Variants in CDK10 observed in about 807,000 individuals in gnomAD.
CDK10 encodes cyclin-dependent kinase 10.
Under a neutral mutation model 51.0 loss-of-function variants are expected in CDK10, and 55 were observed. That is an observed-to-expected ratio of 1.08 (90% CI 0.87 to 1.35). CDK10 has a LOEUF of 1.35. Among genes scored for constraint, CDK10 ranks in the 40% most tolerant of loss-of-function variants. The probability of loss-of-function intolerance (pLI) is 0.00; values close to 1 mark genes in which losing one functional copy is unlikely to be tolerated. For synonymous variants in CDK10, 255 were observed against 199.1 expected, an observed-to-expected ratio of 1.28 and a Z score of -2.36; for missense variants, 589 against 485.1, an observed-to-expected ratio of 1.21 and a Z score of -2.01.
At chr16:89,693,885 A>C (rs1597866548) in intron 8 of CDK10, 1 of 563,690 alleles carries the variant, frequency 1.8e-6, no homozygotes, top group South Asian at 2.0e-5. Context: ...TCAGGACCCC[A>C]GTGTCGTGTA....
Position 89,686,815 on chromosome 16 carries a change from CG to C in CDK10, c.87+21del, listed in dbSNP as rs1476750668. Reference sequence around the variant, plus strand: ...AACACAGGGTGCGCGGGGTGCCACCCGGGCAGCTCTGCCCGCCTCGCTAGCG... The same window carrying C: ...AACACAGGGTGCGCGGGGTGCCACCCGGCAGCTCTGCCCGCCTCGCTAGCG... On this transcript the variant is annotated intron_variant, in intron 1 of 12. Coordinates refer to ENST00000353379, the MANE Select transcript of CDK10 (RefSeq NM_052988.5). 1 of 1,596,978 alleles carries C rather than the reference CG, an allele frequency of 6.3e-7. No homozygotes were observed. Among genetic ancestry groups the C allele is most frequent in the Non-Finnish European group, 8.5e-7 (1 of 1,170,128 alleles).
intron 4 of CDK10, 45 bp downstream of exon 4, chr16:89,691,590 G>T: frequency 6.6e-7 from 1 of 1,511,664 alleles, no homozygotes. Context: ...GGGAGCATGT[G>T]TCTTGGGCTA....
intron 1 of CDK10, among the ~76,000 whole-genome samples, chr16:89,688,918 T>C (rs562414258): frequency 6.6e-6 from 1 of 152,240 alleles, no homozygotes; most frequent in African/African-American, 2.4e-5. Context: ...CTGGCCAACA[T>C]GGTGAAACCC....
intron 10 of CDK10, 58 bp downstream of exon 10, chr16:89,694,846 AGCCCCCGCCCGTGCCCACG>A: frequency 2.7e-6 from 4 of 1,490,436 alleles, no homozygotes; most frequent in Non-Finnish European, 2.7e-6. Context: ...CTGCGCCCGC[AGCCCCCGCCCGTGCCCACG>A]CCCTCTGCGC....
At chr16:89,687,337 G>T (rs2060238712) in intron 1 of CDK10, 1 of 398,824 alleles carries the variant, frequency 2.5e-6, no homozygotes, top group Non-Finnish European at 5.2e-6. Flanking sequence ...TTGCCCAGGT[G>T]CACGGCTGGT....
intron 8 of CDK10, chr16:89,693,752 G>T: frequency 1.8e-6 from 1 of 561,054 alleles, no homozygotes; most frequent in Non-Finnish European, 3.2e-6. Context: ...TGGAGGGAAG[G>T]CTGCTTCACG....
At position 89,695,168 on chromosome 16, in the gene CDK10, C is replaced by G. The variant is rs2060655916; in HGVS notation, c.932+98C>G. On this transcript the variant is annotated intron_variant, in intron 11 of 12. Transcript: ENST00000353379. Reference sequence around the variant, plus strand: ...TCACTGCGGTGGAGAGGCCCCTCCCCAGGCACAGCCGCTCGGAGTGGCCAC... The same window carrying G: ...TCACTGCGGTGGAGAGGCCCCTCCCGAGGCACAGCCGCTCGGAGTGGCCAC... 2.6e-6 allele frequency: 4 copies of G among 1,541,572 alleles called. No homozygotes were observed. The African/African-American group carries it at 4.1e-5, about 16-fold the overall frequency.
At chr16:89,694,051 G>C (rs2060578707) in intron 8 of CDK10, 122 bp from the exon 9 acceptor site, 5 of 916,050 alleles carry the variant, frequency 5.5e-6, no homozygotes, top group Non-Finnish European at 8.9e-6. Context: ...CTGGGGCAGA[G>C]GGTGGTCCGA....
chr16:89,692,460 C>G lies in CDK10; in HGVS notation c.429C>G (p.Ile143Met). ...TPFSEAQVKC[I>M]VLQVLRGLQY... ...GACCCTCTGCACAGGTCAAGTGCAT[C>G]GTGCTGCAGGTGCTCCGGGGCCTCC... is the stretch of plus-strand genomic sequence containing the variant. The change falls in exon 6 of 13, where the codon ATC becomes ATG. Residue 143 changes from isoleucine (I) to methionine (M), a missense_variant. Ile to Met is a conservative substitution (Grantham distance 10). Coordinates refer to ENST00000353379, the MANE Select transcript of CDK10 (RefSeq NM_052988.5). 3 of 1,592,150 alleles carry G rather than the reference C, an allele frequency of 1.9e-6. No homozygotes were observed. The highest frequency in any genetic ancestry group is 2.6e-6 in the Non-Finnish European group (3 of 1,169,206).
rs533674867 is a variant in CDK10 at position 89,686,721 on chromosome 16, C to G, written c.11C>G (p.Pro4Arg). The change falls in exon 1 of 13, where the codon CCA (proline) becomes CGA (arginine). Residue 4 changes from proline (P) to arginine (R), a missense_variant. By Grantham distance (103) the Pro-to-Arg change is moderately radical. Coordinates refer to ENST00000353379, the MANE Select transcript of CDK10 (RefSeq NM_052988.5). ...GGGCCAGCGCTCGGCATGGCGGAGCCAGATCTGGAGTGCGAGCAGATCCGT... is the reference window on the plus strand; with the variant it reads ...GGGCCAGCGCTCGGCATGGCGGAGCGAGATCTGGAGTGCGAGCAGATCCGT... MAEPDLECEQIRLK... is the reference protein window; with the variant it reads MAERDLECEQIRLK... 28 of 1,605,390 alleles carry G rather than the reference C, an allele frequency of 1.7e-5. 1 individual carries two copies. The South Asian group carries it at 3.0e-4, about 17-fold the overall frequency.
chr16:89,694,597 T>C, intron 9 of CDK10, 68 bp from the exon 10 acceptor site: 2 of 1,546,676 alleles, frequency 1.3e-6, no homozygotes, highest in South Asian at 1.2e-5. Context: ...TGCAGTCAGG[T>C]CCTCTGTTCC....
chr16:89,695,129 C>T (rs552795799), intron 11 of CDK10, 59 bp downstream of exon 11: 4 of 1,570,428 alleles, frequency 2.5e-6, no homozygotes, highest in Admixed American at 1.7e-5. Flanking sequence ...CAGACCGTTT[C>T]CCAGAGCCCA....
chr16:89,694,225 G>C lies in CDK10; in HGVS notation c.661G>C (p.Asp221His). The C allele has an allele frequency of 1.2e-6, 2 of 1,613,808 alleles. No individual in the cohort carries two copies. The highest frequency in any genetic ancestry group is 1.7e-6 in the Non-Finnish European group (2 of 1,179,818). ...LGTTTQTTSI[D>H]MWAVGCILAE... ...AACCACCACGCAGACCACCAGCATC[G>C]ACATGTGGTGAGGAGATACGGTTAC... The change falls in exon 9 of 13, where the codon GAC becomes CAC. Residue 221 changes from aspartate to histidine, a missense_variant. Transcript: ENST00000353379.
At chr16:89,691,921 G>C in intron 5 of CDK10, 34 bp downstream of exon 5, 6 of 1,558,934 alleles carry the variant, frequency 3.8e-6, no homozygotes, top group Non-Finnish European at 5.3e-6. Flanking sequence ...TGGGGGAATG[G>C]GCTTCATGGG....
chr16:89,694,094 T>G, intron 8 of CDK10, 79 bp from the exon 9 acceptor site: 1 of 1,435,120 alleles, frequency 7.0e-7, no homozygotes, highest in Middle Eastern at 2.0e-4. Context: ...CCACAGGCTC[T>G]CGGGGAGGCT....
At chr16:89,689,365 C>G in intron 2 of CDK10, 41 bp downstream of exon 2, 1 of 1,571,012 alleles carries the variant, frequency 6.4e-7, no homozygotes, top group Non-Finnish European at 8.8e-7. Context: ...CAGCTCGTGG[C>G]TGTGACAGTG....
chr16:89,690,553 A>G lies in CDK10; in HGVS notation c.161A>G (p.Tyr54Cys). The change falls in exon 3 of 13, where the codon TAT becomes TGT. Residue 54 changes from tyrosine (Y) to cysteine (C), a missense_variant and splice_region_variant. Physicochemically the swap from Tyr to Cys is radical, Grantham distance 194. Transcript: ENST00000353379. ...RIGEGTYGIVYRARDTQTDEI... is the reference protein window; with the variant it reads ...RIGEGTYGIVCRARDTQTDEI... ...CATCACCAATGTGTTTCCATTCCAG[A>G]TCGGGCCCGGGACACCCAGACAGAT... The G allele has an allele frequency of 6.2e-7, 1 of 1,613,940 alleles. No homozygotes were observed. The highest frequency in any genetic ancestry group is 1.1e-5 in the South Asian group (1 of 91,086).
At chr16:89,689,451 A>G in intron 2 of CDK10, 127 bp downstream of exon 2, 1 of 748,748 alleles carries the variant, frequency 1.3e-6, no homozygotes, top group Non-Finnish European at 2.4e-6. Context: ...AACAGGGCAG[A>G]AACCTGTTCA....
At position 89,686,697 on chromosome 16, in the gene CDK10, G is replaced by A. The variant is rs769696768; in HGVS notation, c.-14G>A. ...CTGCGCCTGCGCGCAAGAGAGGCGG[G>A]GCCAGCGCTCGGCATGGCGGAGCCA... On this transcript the variant is annotated 5_prime_UTR_variant, in exon 1 of 13. Transcript: ENST00000353379. 3.2e-6 allele frequency: 5 copies of A among 1,576,722 alleles called. No homozygotes were observed. In the South Asian group the frequency reaches 3.5e-5, roughly 11 times the overall value.
Sources: allele counts gnomAD v4.1 joint callset (sites outside exome capture counted in the v4.1 genomes callset), GRCh38; gene constraint gnomAD v4.1.1; transcripts MANE v1.5; gene names NCBI Gene and HGNC (gene_info 2026-07-23, HGNC 2026-07-21).